Variants in LRRC27 observed in about 807,000 individuals in gnomAD.
LRRC27 encodes the protein leucine-rich repeat-containing protein 27.
Under a neutral mutation model 55.0 loss-of-function variants are expected in LRRC27, and 57 were observed. That is an observed-to-expected ratio of 1.04 (90% CI 0.84 to 1.29). The LOEUF (loss-of-function observed/expected upper bound fraction) is 1.29. Among genes scored for constraint, LRRC27 ranks in the 50% most tolerant of loss-of-function variants. The pLI is 0.00. For synonymous variants in LRRC27, 278 were observed against 251.9 expected, an observed-to-expected ratio of 1.10 and a Z score of -0.98; for missense variants, 721 against 651.5, an observed-to-expected ratio of 1.11 and a Z score of -1.16.
At position 132,333,479 on chromosome 10, in the gene LRRC27, G is replaced by A. The variant is rs753081008; in HGVS notation, c.-46G>A. The A allele has an allele frequency of 1.4e-5, 21 of 1,461,460 alleles. No individual in the cohort carries two copies. In the East Asian group the frequency reaches 4.9e-4, roughly 34 times the overall value. The allele number at this position is 1,461,460 out of a possible 1,614,324, so 90.5% of individuals were successfully genotyped here. ...GTTTCCCTTTCCCGTGTCTCCAGGTGACTCCAGACCAAGGAGGATGAGCTG... is the reference window on the plus strand; with the variant it reads ...GTTTCCCTTTCCCGTGTCTCCAGGTAACTCCAGACCAAGGAGGATGAGCTG... On this transcript the variant is annotated splice_region_variant and 5_prime_UTR_variant, in exon 2 of 11. Coordinates refer to ENST00000368614, the MANE Select transcript of LRRC27 (RefSeq NM_030626.3).
At chr10:132,363,813 G>A (rs2068765358) in intron 9 of LRRC27, among the ~76,000 whole-genome samples, 1 of 152,140 alleles carries the variant, frequency 6.6e-6, no homozygotes, top group Non-Finnish European at 1.5e-5. Context: ...TGGAGGAAGG[G>A]TGAGGTGGGA....
Position 132,375,427 on chromosome 10 carries a change from T to G in LRRC27, c.*185T>G. The G allele has an allele frequency of 1.8e-6, 1 of 547,820 alleles. No homozygotes were observed. The highest frequency in any genetic ancestry group is 2.5e-5 in the South Asian group (1 of 39,692). 33.9% of individuals were successfully genotyped at this position (547,820 alleles called of 1,614,324 possible). ...TCCCTCTCCTGAGGCTGTGGAAGAT[T>G]TCAGCCGTATTAAAAGAAAGGACAC... On this transcript the variant is annotated 3_prime_UTR_variant, in exon 11 of 11. Transcript: ENST00000368614.
At chr10:132,373,445 C>T (rs982152602) in intron 10 of LRRC27, among the ~76,000 whole-genome samples, 3 of 152,122 alleles carry the variant, frequency 2.0e-5, no homozygotes, top group East Asian at 1.9e-4. Flanking sequence ...GACGGACCCA[C>T]GGAGATTCCA....
chr10:132,337,017 A>G (rs773527352), intron 2 of LRRC27: 9 of 1,137,140 alleles, frequency 7.9e-6, no homozygotes, highest in Admixed American at 3.8e-5. Flanking sequence ...TGATGTGTCA[A>G]TCTGCTTCTG....
chr10:132,363,756 C>T (rs538658656), intron 9 of LRRC27, among the ~76,000 whole-genome samples: 4 of 152,282 alleles, frequency 2.6e-5, no homozygotes, highest in South Asian at 2.1e-4. Context: ...AGGGGGCTCC[C>T]CACTCAGTTT....
At position 132,358,453 on chromosome 10, in the gene LRRC27, G is replaced by A. The variant is rs1175565774; in HGVS notation, c.1170+2567G>A. Among the ~76,000 whole-genome samples the A allele has an allele frequency of 5.1e-3, 73 of 14,406 alleles. 34 individuals carry two copies. The highest frequency in any genetic ancestry group is 0.017 in the African/African-American group (18 of 1,030). 9.5% of individuals were successfully genotyped at this position (14,406 alleles called of 152,430 possible). On this transcript the variant is annotated intron_variant, in intron 8 of 10. Coordinates refer to ENST00000368614, the MANE Select transcript of LRRC27 (RefSeq NM_030626.3). The stretch of plus-strand genomic sequence containing the variant: ...AGGAGCCGAGGTGATGGAGCAGCGT[G>A]GGGAGGAGCCGAGGTGATGGAGCAG...
chr10:132,364,510 T>C (rs1564853816), intron 9 of LRRC27, among the ~76,000 whole-genome samples: 11 of 1,448 alleles, frequency 7.6e-3, no homozygotes, highest in South Asian at 0.028. Flanking sequence ...TACATCTACC[T>C]CCACACTCGC....
chr10:132,335,605 TC>T (rs35960350), intron 2 of LRRC27, among the ~76,000 whole-genome samples: 55,008 of 145,372 alleles, frequency 0.38, 10,839 homozygotes, highest in African/African-American at 0.42. Flanking sequence ...CTGGATGTCG[TC>T]TATTGGTTGT....
intron 10 of LRRC27, among the ~76,000 whole-genome samples, chr10:132,371,215 C>T (rs558412784): frequency 2.6e-5 from 4 of 152,364 alleles, no homozygotes; most frequent in Admixed American, 6.5e-5. Flanking sequence ...GGTGGCATGG[C>T]GTGCGTCGGG....
chr10:132,333,251 A>C (rs1241724264), intron 1 of LRRC27, among the ~76,000 whole-genome samples: 1 of 152,024 alleles, frequency 6.6e-6, no homozygotes, highest in Non-Finnish European at 1.5e-5. Context: ...CCAGGAGTTA[A>C]ATCTTGGAAC....
chr10:132,369,978 C>T (rs2069177082), intron 10 of LRRC27, among the ~76,000 whole-genome samples: 1 of 152,104 alleles, frequency 6.6e-6, no homozygotes, highest in Non-Finnish European at 1.5e-5. Context: ...CCTGTCTCTC[C>T]ATTGACTTTC....
chr10:132,330,624 C>A, upstream of LRRC27: 1 of 672,662 alleles, frequency 1.5e-6, no homozygotes, highest in African/African-American at 1.8e-5. Context: ...CCTCTTGCCT[C>A]ACCCTCCCAC....
upstream of LRRC27, chr10:132,330,165 G>A (rs2066617616): frequency 1.2e-5 from 5 of 403,782 alleles, no homozygotes; most frequent in South Asian, 2.7e-5. Flanking sequence ...CAAAAACTGA[G>A]CACAGTAAAG....
Position 132,348,225 on chromosome 10 carries a change from G to A in LRRC27, c.795G>A (p.Leu265=), listed in dbSNP as rs1439053605. The A allele has an allele frequency of 6.2e-7, 1 of 1,614,112 alleles. No individual in the cohort carries two copies. The highest frequency in any genetic ancestry group is 8.5e-7 in the Non-Finnish European group (1 of 1,180,056). The change falls in exon 6 of 11, where the codon CTG becomes CTA. Residue 265 remains leucine (L), a synonymous_variant. Coordinates refer to ENST00000368614, the MANE Select transcript of LRRC27 (RefSeq NM_030626.3). This position sits in a 1 kb window ranked among gnomAD's most constrained non-coding sequence, Gnocchi z 4.2. The part of the protein sequence containing the change: ...SEEEIRRFWK[L]RQEIVEHVKA... Reference sequence around the variant, plus strand: ...AGGAGATCAGGCGCTTTTGGAAGCTGAGGCAGGAGATTGTTGAGCACGTGA... The same window carrying A: ...AGGAGATCAGGCGCTTTTGGAAGCTAAGGCAGGAGATTGTTGAGCACGTGA...
rs572089994 is a variant in LRRC27, at chr10:132,374,951, G to A, written c.1417-115G>A. 16 of 1,163,498 alleles carry A rather than the reference G, an allele frequency of 1.4e-5. No individual in the cohort carries two copies. The Admixed American group carries it at 2.6e-4, about 19-fold the overall frequency. 72.1% of individuals were successfully genotyped at this position (1,163,498 alleles called of 1,614,324 possible). On this transcript the variant is annotated intron_variant, in intron 10 of 10. Transcript: ENST00000368614. This position sits in a 1 kb window ranked among gnomAD's most constrained non-coding sequence, Gnocchi z 4.4. ...GCAGGGGCCCCGGGGCAGCGGGGCT[G>A]GCTCTGCTGACGCCCACATGGCCTG...
chr10:132,369,301 A>G (rs2069163114), intron 10 of LRRC27, among the ~76,000 whole-genome samples: 1 of 152,236 alleles, frequency 6.6e-6, no homozygotes, highest in Admixed American at 6.5e-5. Flanking sequence ...ACTTATGTCT[A>G]CACCAAAACC....
chr10:132,365,977 T>A (rs921858306), intron 10 of LRRC27, among the ~76,000 whole-genome samples: 1 of 152,242 alleles, frequency 6.6e-6, no homozygotes, highest in Admixed American at 6.5e-5. Flanking sequence ...GAATGTGTCT[T>A]ATGAGGTGTA....
intron 3 of LRRC27, among the ~76,000 whole-genome samples, chr10:132,340,407 C>G (rs368332883): frequency 6.6e-6 from 1 of 152,152 alleles, no homozygotes; most frequent in East Asian, 1.9e-4. Context: ...CCCAGCAGCA[C>G]GTGAGTGGGC....
At chr10:132,354,628 G>A (rs1212053062) in intron 7 of LRRC27, among the ~76,000 whole-genome samples, 1 of 152,244 alleles carries the variant, frequency 6.6e-6, no homozygotes, top group Non-Finnish European at 1.5e-5. Context: ...ATCCCAGGCA[G>A]CACTGACTCG....
Sources: gnomAD v4.1 joint callset for allele counts (sites outside exome capture counted in the v4.1 genomes callset) on GRCh38, gnomAD v4.1.1 for gene constraint, Gnocchi (gnomAD v3.1) non-coding constraint, MANE v1.5 for transcripts, NCBI Gene and HGNC (gene_info 2026-07-23, HGNC 2026-07-21) for gene names.